Variants in TMOD1 observed in about 807,000 individuals in gnomAD.
TMOD1 encodes the protein tropomodulin-1.
A neutral mutation model predicts 40.6 loss-of-function variants in TMOD1; 17 were observed. The ratio of observed to expected loss-of-function variants is 0.42; its 90% CI spans 0.29 to 0.63. The LOEUF is 0.63. Ranked by LOEUF, TMOD1 falls within the 20% of genes least tolerant of loss-of-function variation. The pLI, the probability that TMOD1 is intolerant of heterozygous loss-of-function variation, is 0.22. For synonymous variants in TMOD1, 181 were observed against 175.0 expected, an observed-to-expected ratio of 1.03 and a Z score of -0.27; for missense variants, 391 against 447.6, an observed-to-expected ratio of 0.87 and a Z score of 1.14.
In TMOD1 at chr9:97,601,523, G is replaced by A. The variant is rs1826259311; in HGVS notation, c.*1825G>A. The A allele has an allele frequency of 1.0e-6, 1 of 989,104 alleles. No individual in the cohort carries two copies. The highest frequency in any genetic ancestry group is 1.2e-6 in the Non-Finnish European group (1 of 832,172). 61.3% of individuals were successfully genotyped at this position (989,104 alleles called of 1,614,324 possible). A position where few individuals can be genotyped will look rare whatever the true frequency, so the allele number is the denominator to read the frequency against. On this transcript the variant is annotated 3_prime_UTR_variant, in exon 10 of 10. Transcript: ENST00000259365. ...TCATAGAAACGAAACCAAACCAACA[G>A]AAAATGAAGAAGGCCACATCTTTAA... is the stretch of plus-strand genomic sequence containing the variant.
chr9:97,544,064 A>C (rs149484746), intron 2 of TMOD1, among the ~76,000 whole-genome samples: 110 of 152,150 alleles, frequency 7.2e-4, no homozygotes, highest in African/African-American at 2.5e-3. Context: ...TCTCTCTGCA[A>C]GTACACCAGC....
intron 8 of TMOD1, among the ~76,000 whole-genome samples, chr9:97,581,404 T>C (rs985115258): frequency 5.3e-5 from 8 of 151,994 alleles, no homozygotes; most frequent in Non-Finnish European, 1.0e-4. Context: ...TAGATGGACA[T>C]TCGGGTTGGT....
In TMOD1 at chr9:97,601,257, G is replaced by A; in HGVS notation, c.*1559G>A. The A allele has an allele frequency of 8.2e-7, 1 of 1,216,674 alleles. No homozygotes were observed. Among genetic ancestry groups the A allele is most frequent in the African/African-American group, 1.6e-5 (1 of 63,664 alleles). 75.4% of individuals were successfully genotyped at this position (1,216,674 alleles called of 1,614,324 possible). ...TATTAAATCTGTTGGTCTATGCATG[G>A]CTGCGTATGTGTTTCTTGGAACCTG... On this transcript the variant is annotated 3_prime_UTR_variant, in exon 10 of 10. Coordinates refer to ENST00000259365, the MANE Select transcript of TMOD1 (RefSeq NM_003275.4).
intron 9 of TMOD1, among the ~76,000 whole-genome samples, chr9:97,596,235 T>A (rs555712103): frequency 1.1e-4 from 17 of 152,032 alleles, no homozygotes; most frequent in South Asian, 1.0e-3. Context: ...GTCACAGTTA[T>A]CTCCTCCAAC....
intron 8 of TMOD1, among the ~76,000 whole-genome samples, chr9:97,589,637 C>G (rs1825960694): frequency 6.6e-6 from 1 of 152,102 alleles, no homozygotes; most frequent in South Asian, 2.1e-4. Context: ...CTATATACAA[C>G]ATTATATCAT....
intron 9 of TMOD1, among the ~76,000 whole-genome samples, chr9:97,592,177 T>C (rs1156498312): frequency 6.6e-6 from 1 of 152,156 alleles, no homozygotes; most frequent in East Asian, 1.9e-4. Flanking sequence ...ACAAGCTCTG[T>C]GTAGTTATTG....
At chr9:97,523,081 T>C (rs1189121520) in intron 1 of TMOD1, among the ~76,000 whole-genome samples, 1 of 152,112 alleles carries the variant, frequency 6.6e-6, no homozygotes, top group Non-Finnish European at 1.5e-5. Flanking sequence ...AATAAAAATG[T>C]TTTAATTAAA....
intron 2 of TMOD1, among the ~76,000 whole-genome samples, chr9:97,526,809 T>C (rs1830021237): frequency 6.6e-6 from 1 of 152,176 alleles, no homozygotes; most frequent in South Asian, 2.1e-4. Context: ...TCCCCAGCCA[T>C]GGAATAGCAG....
At chr9:97,563,266 TG>T (rs1166960879) in intron 5 of TMOD1, among the ~76,000 whole-genome samples, 2 of 152,142 alleles carry the variant, frequency 1.3e-5, no homozygotes, top group Non-Finnish European at 2.9e-5. Context: ...TTGCCCAGAC[TG>T]GTCTCGAACT....
chr9:97,586,089 TAG>T (rs1029981948), intron 8 of TMOD1, among the ~76,000 whole-genome samples: 8 of 151,696 alleles, frequency 5.3e-5, no homozygotes, highest in African/African-American at 1.9e-4. Context: ...CTCTGCTTTT[TAG>T]AGTTTCCAGT....
At chr9:97,507,111 C>A (rs1829602965) in intron 1 of TMOD1, among the ~76,000 whole-genome samples, 1 of 152,170 alleles carries the variant, frequency 6.6e-6, no homozygotes, top group Admixed American at 6.5e-5. Context: ...TTTAAATCTA[C>A]AAATGAATTC....
chr9:97,534,870 G>A (rs181839552), intron 2 of TMOD1, among the ~76,000 whole-genome samples: 2 of 152,328 alleles, frequency 1.3e-5, no homozygotes, highest in East Asian at 3.9e-4. Flanking sequence ...AGGCTGAACA[G>A]GGTGCCCAAG....
intron 9 of TMOD1, among the ~76,000 whole-genome samples, chr9:97,592,282 G>GA (rs200456265): frequency 8.6e-4 from 130 of 151,194 alleles, no homozygotes; most frequent in Middle Eastern, 6.8e-3. Context: ...ACAAGAGGGG[G>GA]AAAAAAAACA....
rs1829515280 is a variant in TMOD1, at chr9:97,502,283, G to C, written c.-49+480G>C. 6.6e-6 allele frequency among the ~76,000 whole-genome samples: 1 copy of C among 152,202 alleles called. No homozygotes were observed. The highest frequency in any genetic ancestry group is 1.5e-5 in the Non-Finnish European group (1 of 68,022). On this transcript the variant is annotated intron_variant, in intron 1 of 9. Transcript: ENST00000259365. This position sits in a 1 kb window ranked among gnomAD's most constrained non-coding sequence, Gnocchi z 6.1. ...CGCCTGCAAGAGTCTGGGGGTGGGA[G>C]TGGGGGAGTAAAGGCTCGACTGGAC...
chr9:97,564,981 G>A (rs1244834098), intron 6 of TMOD1, among the ~76,000 whole-genome samples: 2 of 152,180 alleles, frequency 1.3e-5, no homozygotes, highest in East Asian at 3.9e-4. Context: ...CTGCACCCTA[G>A]TGTTCACCCC....
intron 2 of TMOD1, among the ~76,000 whole-genome samples, chr9:97,545,584 A>T (rs1316392043): frequency 6.6e-6 from 1 of 152,242 alleles, no homozygotes; most frequent in African/African-American, 2.4e-5. Context: ...GGGTAGGGCC[A>T]GCAGGGACTG....
At chr9:97,503,017 A>G (rs145596118) in intron 1 of TMOD1, among the ~76,000 whole-genome samples, 3 of 152,094 alleles carry the variant, frequency 2.0e-5, no homozygotes, top group African/African-American at 7.2e-5. Context: ...ACTCTCGGAG[A>G]CGACCTGGCC....
At chr9:97,552,800 A>T (rs1185459884) in intron 3 of TMOD1, among the ~76,000 whole-genome samples, 1 of 151,742 alleles carries the variant, frequency 6.6e-6, no homozygotes, top group Non-Finnish European at 1.5e-5. Context: ...GTACCTCTTT[A>T]CTCCCCTTAT....
In TMOD1 at chr9:97,502,179, G is replaced by GC. The variant is rs1829513035; in HGVS notation, c.-49+377dup. On this transcript the variant is annotated intron_variant, in intron 1 of 9. Transcript: ENST00000259365. The surrounding 1 kb of genome is among the most constrained non-coding windows in gnomAD (Gnocchi z 6.1). ...CCGCCACCCGCAGGACTCCAGCGCG[G>GC]CGGGGCTCTGAGCCCGCGGGGTGCT... 6.6e-6 allele frequency among the ~76,000 whole-genome samples: 1 copy of GC among 152,128 alleles called. No homozygotes were observed. Among genetic ancestry groups the GC allele is most frequent in the African/African-American group, 2.4e-5 (1 of 41,458 alleles).
Sources: allele counts gnomAD v4.1 joint callset (sites outside exome capture counted in the v4.1 genomes callset), GRCh38; gene constraint gnomAD v4.1.1; non-coding constraint Gnocchi (gnomAD v3.1); transcripts MANE v1.5; gene names NCBI Gene and HGNC (gene_info 2026-07-23, HGNC 2026-07-21).